The following ATL2 variants were observed in gnomAD, a reference collection of about 807,000 sequenced individuals.
The protein encoded by ATL2 is atlastin-2.
Under a neutral mutation model 73.9 loss-of-function variants are expected in ATL2, and 31 were observed. That is an observed-to-expected ratio of 0.42 (90% confidence interval 0.32 to 0.57). The LOEUF (loss-of-function observed/expected upper bound fraction) is 0.57. ATL2 is among the 20% of genes least tolerant of loss of function. The pLI is 0.14. For missense variants in ATL2, 738 were observed against 702.6 expected (o/e 1.05, Z -0.57); for synonymous variants, 291 against 237.5 (o/e 1.23, Z -2.07).
intron 9 of ATL2, among the ~76,000 whole-genome samples, chr2:38,300,753 T>A (rs1218190871): frequency 6.6e-6 from 1 of 152,046 alleles, no homozygotes; most frequent in Non-Finnish European, 1.5e-5. Flanking sequence ...TGGGCTCAAG[T>A]GATCCTCCTG....
chr2:38,369,206 T>C (rs532559696), intron 1 of ATL2, among the ~76,000 whole-genome samples: 2 of 151,892 alleles, frequency 1.3e-5, no homozygotes, highest in Non-Finnish European at 2.9e-5. Context: ...TCCCAGCACT[T>C]TGGGAGGCCA....
At chr2:38,331,543 G>A (rs1367333884) in intron 2 of ATL2, among the ~76,000 whole-genome samples, 2 of 148,786 alleles carry the variant, frequency 1.3e-5, no homozygotes, top group East Asian at 2.0e-4. Flanking sequence ...CCAGGAGGCA[G>A]AGGTCGTTGC....
chr2:38,339,745 T>C (rs1190673628), intron 2 of ATL2, among the ~76,000 whole-genome samples: 2 of 152,100 alleles, frequency 1.3e-5, no homozygotes, highest in South Asian at 2.1e-4. Context: ...GGTTAGAGTA[T>C]GATGGCACAA....
At chr2:38,309,546 A>C in intron 8 of ATL2, 40 bp from the exon 9 acceptor site, 1 of 1,586,210 alleles carries the variant, frequency 6.3e-7, no homozygotes, top group African/African-American at 1.4e-5. Flanking sequence ...AGTCCAAAAA[A>C]AATTAGGTCC....
chr2:38,362,443 G>T (rs911796091), intron 1 of ATL2, among the ~76,000 whole-genome samples: 1 of 152,150 alleles, frequency 6.6e-6, no homozygotes, highest in African/African-American at 2.4e-5. Flanking sequence ...ACAACAGTGA[G>T]TCTCACACCC....
intron 2 of ATL2, among the ~76,000 whole-genome samples, chr2:38,324,511 G>A (rs906075348): frequency 6.6e-6 from 1 of 152,188 alleles, no homozygotes; most frequent in African/African-American, 2.4e-5. Context: ...TACTCTGCAA[G>A]TCCTGGAACA....
At chr2:38,361,081 C>T (rs961547580) in intron 1 of ATL2, among the ~76,000 whole-genome samples, 1 of 151,942 alleles carries the variant, frequency 6.6e-6, no homozygotes, top group Non-Finnish European at 1.5e-5. Context: ...CAGCCAGGCG[C>T]GGTGGCTCAT....
intron 9 of ATL2, among the ~76,000 whole-genome samples, chr2:38,309,104 A>G (rs185441895): frequency 1.3e-5 from 2 of 152,270 alleles, no homozygotes; most frequent in Non-Finnish European, 2.9e-5. Flanking sequence ...GTAGTATTAG[A>G]GTATGATGAA....
intron 1 of ATL2, among the ~76,000 whole-genome samples, chr2:38,359,347 G>A (rs1177688458): frequency 6.6e-6 from 1 of 152,064 alleles, no homozygotes; most frequent in East Asian, 1.9e-4. Flanking sequence ...CCACACGCCT[G>A]TAATCCCAGC....
At chr2:38,326,905 T>C (rs2148453469) in intron 2 of ATL2, among the ~76,000 whole-genome samples, 1 of 152,142 alleles carries the variant, frequency 6.6e-6, no homozygotes, top group East Asian at 1.9e-4. Context: ...GGAGAATCAC[T>C]TGAACCCAGA....
At chr2:38,368,828 C>T (rs778675851) in intron 1 of ATL2, among the ~76,000 whole-genome samples, 16 of 152,254 alleles carry the variant, frequency 1.1e-4, no homozygotes, top group East Asian at 1.9e-4. Context: ...CAGTAACTAA[C>T]GCCTGTAATC....
chr2:38,365,158 C>A (rs959393374), intron 1 of ATL2, among the ~76,000 whole-genome samples: 8 of 148,358 alleles, frequency 5.4e-5, no homozygotes, highest in African/African-American at 1.8e-4. Context: ...CACACACACA[C>A]ACACACAAAT....
upstream of ATL2, chr2:38,377,390 CCTGT>C (rs1672055916): frequency 4.2e-6 from 3 of 713,666 alleles, no homozygotes; most frequent in East Asian, 9.4e-5. Flanking sequence ...TCGCCCTCCG[CCTGT>C]ATCTCCTCGC....
intron 1 of ATL2, among the ~76,000 whole-genome samples, chr2:38,367,576 C>G (rs12997843): frequency 0.27 from 28,081 of 105,594 alleles, 3,336 homozygotes; most frequent in Middle Eastern, 0.4. Context: ...GCCCGGGGAA[C>G]AGAGCAAGAA....
chr2:38,325,065 A>T (rs559261356), intron 2 of ATL2, among the ~76,000 whole-genome samples: 8 of 152,350 alleles, frequency 5.3e-5, no homozygotes, highest in African/African-American at 1.4e-4. Context: ...CCACAATTTT[A>T]AAAAAAGTTG....
chr2:38,298,187 A>G lies in ATL2; in HGVS notation c.1589T>C (p.Ile530Thr), dbSNP rs1243059780. ...YVKYSGEFRE[I>T]GTVIDQIAET... ...AGCAATCTGATCAATCACTGTTCCA[A>G]TTTCTCTGAACTCCCCAGAGTATTT... Residue 530 changes from isoleucine (I) to threonine (T), a missense_variant, in exon 12 of 13, where the codon ATT becomes ACT. Ile to Thr is a moderately conservative substitution (Grantham distance 89, BLOSUM62 -1). Transcript: ENST00000378954. 2 of 1,613,950 alleles carry G rather than the reference A, an allele frequency of 1.2e-6. No homozygotes were observed. Among genetic ancestry groups the G allele is most frequent in the South Asian group, 2.2e-5 (2 of 90,998 alleles).
chr2:38,316,700 T>A (rs6544153), intron 4 of ATL2, among the ~76,000 whole-genome samples: 14,424 of 152,076 alleles, frequency 0.095, 2,286 homozygotes, highest in African/African-American at 0.33. Flanking sequence ...ACATCCAAGA[T>A]AGGCAAGATG....
intron 1 of ATL2, 34 bp from the exon 2 acceptor site, chr2:38,343,546 A>G (rs1313015324): frequency 1.3e-6 from 2 of 1,579,556 alleles, no homozygotes; most frequent in Admixed American, 3.7e-5. Context: ...TGGTTACTTT[A>G]ATCCCTATAT....
intron 1 of ATL2, among the ~76,000 whole-genome samples, chr2:38,350,901 G>C (rs969850183): frequency 2.0e-5 from 3 of 152,122 alleles, no homozygotes; most frequent in Non-Finnish European, 4.4e-5. Context: ...GGCTGACCTA[G>C]ATCCTCAGCA....
Sources: gnomAD v4.1 joint callset for allele counts (sites outside exome capture counted in the v4.1 genomes callset) on GRCh38, gnomAD v4.1.1 for gene constraint, MANE v1.5 for transcripts, NCBI Gene and HGNC (gene_info 2026-07-23, HGNC 2026-07-21) for gene names.